Variants in NUTM2B observed in about 807,000 individuals in gnomAD.
The protein encoded by NUTM2B is NUT family member 2B.
A neutral mutation model predicts 42.4 loss-of-function variants in NUTM2B; 2 were observed. The observed-to-expected ratio is 0.05, with a 90% CI of 0.02 to 0.15. The LOEUF (loss-of-function observed/expected upper bound fraction) is 0.15, where lower values mean the gene tolerates loss of function less well. Ranked by LOEUF, NUTM2B falls within the 10% of genes least tolerant of loss-of-function variation. NUTM2B has a pLI of 1.00. For missense variants in NUTM2B, 58 were observed against 952.6 expected, an observed-to-expected ratio of 0.06 and a Z score of 12.36; for synonymous variants, 18 against 402.4, an observed-to-expected ratio of 0.04 and a Z score of 11.43.
intron 1 of NUTM2B, among the ~76,000 whole-genome samples, chr10:79,705,017 G>A (rs1310340535): frequency 6.6e-6 from 1 of 150,998 alleles, no homozygotes; most frequent in Non-Finnish European, 1.5e-5. Flanking sequence ...ACTAGAGACT[G>A]CATGAGGTCC....
upstream of NUTM2B, among the ~76,000 whole-genome samples, chr10:79,700,577 G>A (rs2559691): frequency 5.3e-5 from 8 of 152,166 alleles, no homozygotes; most frequent in Non-Finnish European, 1.0e-4. Context: ...GGGTCGCCCC[G>A]TGGACACTGG....
At chr10:79,700,063 A>C (rs151183420), upstream of NUTM2B, among the ~76,000 whole-genome samples, 449 of 151,794 alleles carry the variant, frequency 3.0e-3, 2 homozygotes, top group Admixed American at 0.014. Flanking sequence ...ATCCCACATA[A>C]GTAAGCGATT....
chr10:79,694,970 AG>A, the NUTM2B span, among the ~76,000 whole-genome samples: 3 of 152,272 alleles, frequency 2.0e-5, no homozygotes, highest in African/African-American at 7.2e-5. Flanking sequence ...GGAGCACAAG[AG>A]GAGGCTCATC....
chr10:79,701,212 T>G (rs387079), upstream of NUTM2B, among the ~76,000 whole-genome samples: 1 of 151,464 alleles, frequency 6.6e-6, no homozygotes, highest in African/African-American at 2.4e-5. Flanking sequence ...GATTTTTAGA[T>G]CTGAAAACAC....
chr10:79,699,052 A>T (rs1172191641), upstream of NUTM2B, among the ~76,000 whole-genome samples: 1 of 152,100 alleles, frequency 6.6e-6, no homozygotes, highest in Non-Finnish European at 1.5e-5. Flanking sequence ...CCCAGTAGAC[A>T]TGGATCTGCC....
upstream of NUTM2B, among the ~76,000 whole-genome samples, chr10:79,700,436 C>A (rs1204922470): frequency 6.6e-6 from 1 of 152,050 alleles, no homozygotes; most frequent in Non-Finnish European, 1.5e-5. Context: ...TGTTACACCT[C>A]CCCCCTCACT....
chr10:79,705,734 G>C (rs1589262586), intron 1 of NUTM2B, among the ~76,000 whole-genome samples: 1 of 147,540 alleles, frequency 6.8e-6, no homozygotes, highest in African/African-American at 2.5e-5. Context: ...CTGACCCATG[G>C]CTTGGGAGAT....
chr10:79,695,952 C>A, the NUTM2B span, among the ~76,000 whole-genome samples: 1 of 149,194 alleles, frequency 6.7e-6, no homozygotes. Context: ...TATATGGATT[C>A]TTTGGCCCTA....
chr10:79,701,307 G>A (rs533672975), upstream of NUTM2B, among the ~76,000 whole-genome samples: 55 of 152,120 alleles, frequency 3.6e-4, no homozygotes, highest in African/African-American at 1.3e-3. Context: ...TTTTGTTGTA[G>A]CCTTGATCAA....
intron 1 of NUTM2B, among the ~76,000 whole-genome samples, chr10:79,705,568 G>A (rs3128230): frequency 6.6e-5 from 10 of 150,982 alleles, no homozygotes; most frequent in East Asian, 4.1e-4. Flanking sequence ...TTACAAGAGC[G>A]TCAGGAAAAG....
upstream of NUTM2B, among the ~76,000 whole-genome samples, chr10:79,698,364 T>A (rs952587778): frequency 6.6e-6 from 1 of 151,636 alleles, no homozygotes; most frequent in African/African-American, 2.4e-5. Flanking sequence ...CCCAAACACA[T>A]GTACGAACAT....
upstream of NUTM2B, among the ~76,000 whole-genome samples, chr10:79,699,506 G>A (rs1304255344): frequency 2.0e-5 from 3 of 152,202 alleles, no homozygotes; most frequent in Non-Finnish European, 4.4e-5. Context: ...GCAGTGGCAC[G>A]ATCTGGGCTC....
At chr10:79,692,706 T>C in the NUTM2B span, among the ~76,000 whole-genome samples, 39,668 of 152,058 alleles carry the variant, frequency 0.26, 5,849 homozygotes, top group East Asian at 0.69. Context: ...ACCCCATCTC[T>C]CACCACCTGC....
the NUTM2B span, among the ~76,000 whole-genome samples, chr10:79,694,443 C>T: frequency 2.2e-4 from 34 of 151,850 alleles, no homozygotes; most frequent in Non-Finnish European, 4.0e-4. Context: ...AAACATGAAG[C>T]TGAAGCTGAG....
chr10:79,698,286 C>T (rs530509644), upstream of NUTM2B, among the ~76,000 whole-genome samples: 13 of 152,204 alleles, frequency 8.5e-5, no homozygotes, highest in East Asian at 9.7e-4. Context: ...ATAAATCCCC[C>T]GAAACACTAT....
At chr10:79,699,367 T>A (rs1277802657), upstream of NUTM2B, among the ~76,000 whole-genome samples, 3 of 151,906 alleles carry the variant, frequency 2.0e-5, no homozygotes, top group African/African-American at 7.3e-5. Flanking sequence ...ATTCTTCTGG[T>A]ATACATATCT....
upstream of NUTM2B, among the ~76,000 whole-genome samples, chr10:79,699,149 T>C (rs1840270703): frequency 6.6e-6 from 1 of 151,942 alleles, no homozygotes; most frequent in South Asian, 2.1e-4. Context: ...AGTATACAAA[T>C]GGTCTTCCTA....
At chr10:79,698,270 GAGTGTATAAA>G (rs1243924657), upstream of NUTM2B, among the ~76,000 whole-genome samples, 1 of 151,790 alleles carries the variant, frequency 6.6e-6, no homozygotes. Context: ...CCCAATCCCT[GAGTGTATAAA>G]TCCCCCGAAA....
rs537580832 is a variant in NUTM2B at position 79,706,948 on chromosome 10, C to T, written c.1082+207C>T. Among the ~76,000 whole-genome samples, 196 of 109,948 alleles carry T rather than the reference C, an allele frequency of 1.8e-3. 1 individual carries two copies. Among genetic ancestry groups the T allele is most frequent in the Middle Eastern group, 4.7e-3 (1 of 212 alleles). The allele number at this position is 109,948 out of a possible 152,430, so 72.1% of individuals were successfully genotyped here. On this transcript the variant is annotated intron_variant, in intron 2 of 6. Transcript: ENST00000429828. ...GGGGCCTCATCTCAACTGCCCGTCACTGTCCCGTGAGTCCGGCCAATCCTT... is the reference window on the plus strand; with the variant it reads ...GGGGCCTCATCTCAACTGCCCGTCATTGTCCCGTGAGTCCGGCCAATCCTT...
Sources: gnomAD v4.1 joint callset for allele counts (sites outside exome capture counted in the v4.1 genomes callset) on GRCh38, gnomAD v4.1.1 for gene constraint, MANE v1.5 for transcripts, NCBI Gene and HGNC (gene_info 2026-07-23, HGNC 2026-07-21) for gene names.